The following IRF6 variants were observed in gnomAD, a reference collection of about 807,000 sequenced individuals.
The protein encoded by IRF6 is interferon regulatory factor 6.
IRF6 carries 6 observed loss-of-function variants against 51.4 expected under a neutral mutation model. The ratio of observed to expected loss-of-function variants is 0.12; its 90% CI spans 0.06 to 0.23. The LOEUF (loss-of-function observed/expected upper bound fraction) is 0.23. Ranked by LOEUF, IRF6 falls within the 10% of genes least tolerant of loss-of-function variation. The pLI, the probability that IRF6 is intolerant of heterozygous loss-of-function variation, is 1.00. For missense variants in IRF6, 348 were observed against 585.2 expected (o/e 0.59, Z 4.18); for synonymous variants, 178 against 215.7 (o/e 0.83, Z 1.53).
intron 1 of IRF6, among the ~76,000 whole-genome samples, chr1:209,803,921 G>A (rs1170710758): frequency 6.6e-6 from 1 of 152,092 alleles, no homozygotes; most frequent in Non-Finnish European, 1.5e-5. Flanking sequence ...TCTCCATCTT[G>A]TAACACAGCA....
chr1:209,797,924 T>A (rs568750039), intron 3 of IRF6, among the ~76,000 whole-genome samples: 1 of 152,174 alleles, frequency 6.6e-6, no homozygotes, highest in Non-Finnish European at 1.5e-5. Context: ...AAGCCAACAG[T>A]GTATATGATT....
At chr1:209,797,370 CAAAAAAAAAAAAAA>C (rs11418099) in intron 3 of IRF6, among the ~76,000 whole-genome samples, 30 of 48,594 alleles carry the variant, frequency 6.2e-4, no homozygotes, top group African/African-American at 2.5e-3. Context: ...AACTTCATCT[CAAAAAAAAAAAAAA>C]AAAAAAAAAA....
chr1:209,789,104 T>A (rs2077852243), intron 8 of IRF6, among the ~76,000 whole-genome samples: 1 of 152,148 alleles, frequency 6.6e-6, no homozygotes, highest in African/African-American at 2.4e-5. Context: ...GACAGGAGGA[T>A]CACTTAAGCC....
rs112672969 is a variant in IRF6 at position 209,789,285 on chromosome 1, C to T, written c.1179+382G>A. 1.5e-3 allele frequency among the ~76,000 whole-genome samples: 232 copies of T among 151,264 alleles called. 2 individuals carry two copies. Among genetic ancestry groups the T allele is most frequent in the South Asian group, 4.2e-3 (20 of 4,790 alleles). ...GCCACAGTGGGCTGAGATGGTGCCA[C>T]TGCACTGCAGCCTGGGCGACACAGC... On this transcript the variant is annotated intron_variant, in intron 8 of 8. Coordinates refer to ENST00000367021, the MANE Select transcript of IRF6 (RefSeq NM_006147.4).
rs1442730582 is a variant in IRF6, at chr1:209,790,022, G to A, written c.1061-237C>T. ...TATTGAACAGTACAAATTACAGAGG[G>A]TTCTCTTGGACATCATTGATCATGA... On this transcript the variant is annotated intron_variant, in intron 7 of 8. Coordinates refer to ENST00000367021, the MANE Select transcript of IRF6 (RefSeq NM_006147.4). The surrounding 1 kb of genome is among the most constrained non-coding windows in gnomAD (Gnocchi z 4.8). Among the ~76,000 whole-genome samples the A allele has an allele frequency of 6.6e-6, 1 of 152,168 alleles. No individual in the cohort carries two copies. The highest frequency in any genetic ancestry group is 2.4e-5 in the African/African-American group (1 of 41,444).
chr1:209,785,695 GTTCA>G lies in IRF6; in HGVS notation c.*2721_*2724del, dbSNP rs1241799472. On this transcript the variant is annotated 3_prime_UTR_variant, in exon 9 of 9. Transcript: ENST00000367021. Reference sequence around the variant, plus strand: ...AGTAAATCCCTAAAAGACTGATTTAGTTCATTCATTTATTCCAGCAACAAATATT... The same window carrying G: ...AGTAAATCCCTAAAAGACTGATTTAGTTCATTTATTCCAGCAACAAATATT... 6.6e-6 allele frequency: 1 copy of G among 152,132 alleles called. No individual in the cohort carries two copies. The highest frequency in any genetic ancestry group is 1.5e-5 in the Non-Finnish European group (1 of 68,006). 9.4% of individuals were successfully genotyped at this position (152,132 alleles called of 1,614,324 possible). A position where few individuals can be genotyped will look rare whatever the true frequency, so the allele number is the denominator to read the frequency against.
intron 8 of IRF6, 139 bp from the exon 9 acceptor site, chr1:209,788,783 T>G: frequency 1.4e-6 from 1 of 713,488 alleles, no homozygotes; most frequent in South Asian, 1.5e-5. Flanking sequence ...GGATATGCCT[T>G]CATCTCTCTG....
rs1279520962 is a variant in IRF6 at position 209,805,951 on chromosome 1, G to T, written c.-80C>A. 6.6e-6 allele frequency: 1 copy of T among 152,338 alleles called. No homozygotes were observed. Among genetic ancestry groups the T allele is most frequent in the Non-Finnish European group, 1.5e-5 (1 of 68,136 alleles). The allele number at this position is 152,338 out of a possible 1,614,324, so 9.4% of individuals were successfully genotyped here. ...CCCAGAAGTTGGCGTACCCACCTTT[G>T]CTCAATCTGTCCACCAGAAGCGGAC... is the stretch of plus-strand genomic sequence containing the variant. On this transcript the variant is annotated 5_prime_UTR_variant, in exon 1 of 9. Coordinates refer to ENST00000367021, the MANE Select transcript of IRF6 (RefSeq NM_006147.4).
In IRF6 at chr1:209,792,266, T is replaced by A. The variant is rs1318906113; in HGVS notation, c.667+3A>T. The A allele has an allele frequency of 6.2e-7, 1 of 1,613,714 alleles. No individual in the cohort carries two copies. Among genetic ancestry groups the A allele is most frequent in the East Asian group, 2.2e-5 (1 of 44,876 alleles). On this transcript the variant is annotated splice_donor_region_variant and intron_variant, in intron 6 of 8. Transcript: ENST00000367021. Reference sequence around the variant, plus strand: ...CGAGCAAGAAAGATAAAGTCTCACTTACTTGGGAGAGAGCTGATCCACAGT... The same window carrying A: ...CGAGCAAGAAAGATAAAGTCTCACTAACTTGGGAGAGAGCTGATCCACAGT...
Position 209,788,307 on chromosome 1 carries a change from C to T in IRF6, c.*113G>A. On this transcript the variant is annotated 3_prime_UTR_variant, in exon 9 of 9. Transcript: ENST00000367021. ...CTAGGCATATTTGGAGAATCACAAA[C>T]TTCTAACACTGTTAGAGAAAAGAGA... 1.4e-6 allele frequency: 1 copy of T among 737,356 alleles called. No individual in the cohort carries two copies. Among genetic ancestry groups the T allele is most frequent in the Non-Finnish European group, 2.3e-6 (1 of 440,104 alleles). 45.7% of individuals were successfully genotyped at this position (737,356 alleles called of 1,614,324 possible). A position where few individuals can be genotyped will look rare whatever the true frequency, so the allele number is the denominator to read the frequency against.
rs2077857035 is a variant in IRF6, at chr1:209,789,649, A to C, written c.1179+18T>G. The C allele has an allele frequency of 6.4e-7, 1 of 1,565,120 alleles. No individual in the cohort carries two copies. Among genetic ancestry groups the C allele is most frequent in the East Asian group, 2.2e-5 (1 of 44,622 alleles). Reference sequence around the variant, plus strand: ...GGCAAAAAGATGAAGAGTTGTTGACACAGCCTTATCTTCTCACCTGAACCA... The same window carrying C: ...GGCAAAAAGATGAAGAGTTGTTGACCCAGCCTTATCTTCTCACCTGAACCA... On this transcript the variant is annotated intron_variant, in intron 8 of 8. Transcript: ENST00000367021.
chr1:209,788,559 T>C lies in IRF6; in HGVS notation c.1265A>G (p.Gln422Arg). 1 of 1,614,162 alleles carries C rather than the reference T, an allele frequency of 6.2e-7. No individual in the cohort carries two copies. Among genetic ancestry groups the C allele is most frequent in the Non-Finnish European group, 8.5e-7 (1 of 1,180,008 alleles). ...ATCCTTGATGTCTGGGGTTGAGATC[T>C]GCAGGCGGACACTGCCACTATCAAA... is the stretch of plus-strand genomic sequence containing the variant. ...RSFDSGSVRL[Q>R]ISTPDIKDNI... The change falls in exon 9 of 9, where the codon CAG (glutamine) becomes CGG (arginine). Residue 422 changes from glutamine to arginine, a missense_variant. Coordinates refer to ENST00000367021, the MANE Select transcript of IRF6 (RefSeq NM_006147.4).
chr1:209,801,265 T>C lies in IRF6; in HGVS notation c.149A>G (p.Gln50Arg). The C allele has an allele frequency of 1.2e-6, 2 of 1,613,750 alleles. No individual in the cohort carries two copies. Among genetic ancestry groups the C allele is most frequent in the South Asian group, 2.2e-5 (2 of 91,054 alleles). Residue 50 changes from glutamine to arginine, a missense_variant, in exon 3 of 9, where the codon CAA becomes CGA. Physicochemically the swap from Gln to Arg is conservative, Grantham distance 43. Coordinates refer to ENST00000367021, the MANE Select transcript of IRF6 (RefSeq NM_006147.4). ...WKHATRHSPQQEEENTIFKAW... is the reference protein window; with the variant it reads ...WKHATRHSPQREEENTIFKAW... Reference sequence around the variant, plus strand: ...CTTAAAAATGGTATTTTCCTCTTCTTGTTGAGGGCTATGCCGGGTGGCATG... The same window carrying C: ...CTTAAAAATGGTATTTTCCTCTTCTCGTTGAGGGCTATGCCGGGTGGCATG...
In IRF6 at chr1:209,790,035, T is replaced by A. The variant is rs2077859835; in HGVS notation, c.1061-250A>T. Among the ~76,000 whole-genome samples, 5 of 152,238 alleles carry A rather than the reference T, an allele frequency of 3.3e-5. No homozygotes were observed. The South Asian group carries it at 1.0e-3, about 32-fold the overall frequency. On this transcript the variant is annotated intron_variant, in intron 7 of 8. Coordinates refer to ENST00000367021, the MANE Select transcript of IRF6 (RefSeq NM_006147.4). The surrounding 1 kb of genome is among the most constrained non-coding windows in gnomAD (Gnocchi z 4.8). ...AAATTACAGAGGGTTCTCTTGGACA[T>A]CATTGATCATGACTTGCAGTTCAAA...
chr1:209,795,621 A>G (rs980515905), intron 4 of IRF6, among the ~76,000 whole-genome samples: 6 of 152,228 alleles, frequency 3.9e-5, no homozygotes, highest in African/African-American at 7.2e-5. Context: ...TCACTGGAGC[A>G]CATATCTAAA....
intron 1 of IRF6, among the ~76,000 whole-genome samples, chr1:209,804,223 T>C (rs1381726880): frequency 6.6e-6 from 1 of 152,162 alleles, no homozygotes; most frequent in Non-Finnish European, 1.5e-5. Flanking sequence ...TACATGAACC[T>C]TTACCTAACA....
At chr1:209,788,795 A>G in intron 8 of IRF6, 151 bp from the exon 9 acceptor site, 1 of 691,306 alleles carries the variant, frequency 1.4e-6, no homozygotes, top group African/African-American at 1.8e-5. Context: ...ATCTCTCTGG[A>G]CCATCCTTCT....
Position 209,789,659 on chromosome 1 carries a change from C to T in IRF6, c.1179+8G>A. 2.5e-6 allele frequency: 4 copies of T among 1,593,764 alleles called. No homozygotes were observed. The highest frequency in any genetic ancestry group is 1.7e-4 in the Middle Eastern group (1 of 6,036). On this transcript the variant is annotated splice_region_variant and intron_variant, in intron 8 of 8. Transcript: ENST00000367021. ...TGAAGAGTTGTTGACACAGCCTTATCTTCTCACCTGAACCAAGATGAGTTT... is the reference window on the plus strand; with the variant it reads ...TGAAGAGTTGTTGACACAGCCTTATTTTCTCACCTGAACCAAGATGAGTTT...
chr1:209,799,040 TG>T (rs1558042114), intron 3 of IRF6, among the ~76,000 whole-genome samples: 1 of 152,176 alleles, frequency 6.6e-6, no homozygotes, highest in East Asian at 1.9e-4. Context: ...TTCTGATCAC[TG>T]TGCAGGTCCT....
Sources: allele counts gnomAD v4.1 joint callset (sites outside exome capture counted in the v4.1 genomes callset), GRCh38; gene constraint gnomAD v4.1.1; non-coding constraint Gnocchi (gnomAD v3.1); transcripts MANE v1.5; gene names NCBI Gene and HGNC (gene_info 2026-07-23, HGNC 2026-07-21).